The following FAM43A variants were observed in gnomAD, a reference collection of about 807,000 sequenced individuals.
FAM43A encodes family with sequence similarity 43 member A.
FAM43A carries 11 observed loss-of-function variants against 15.7 expected under a neutral mutation model. That is an observed-to-expected ratio of 0.70 (90% CI 0.44 to 1.16). The LOEUF is 1.16. FAM43A is among the 50% of genes most tolerant of loss of function. The pLI, the probability that FAM43A is intolerant of heterozygous loss-of-function variation, is 0.00. For synonymous variants in FAM43A, 319 were observed against 291.7 expected, an observed-to-expected ratio of 1.09 and a Z score of -0.96; for missense variants, 573 against 620.0, an observed-to-expected ratio of 0.92 and a Z score of 0.80.
rs1478731551 is a variant in FAM43A at position 194,686,905 on chromosome 3, G to A, written c.79G>A (p.Ala27Thr). Residue 27 changes from alanine to threonine, a missense_variant, in exon 1 of 1, where the codon GCT (alanine) becomes ACT (threonine). Coordinates refer to ENST00000329759, the MANE Select transcript of FAM43A (RefSeq NM_153690.5). ...GCAGGCGTCCAAGCCCAAGGGCTAC[G>A]CTGTGAGCCTGCACTACTCGGCGCT... ...PRQASKPKGY[A>T]VSLHYSALSS... The A allele has an allele frequency of 6.2e-7, 1 of 1,610,012 alleles. No individual in the cohort carries two copies. Among genetic ancestry groups the A allele is most frequent in the Admixed American group, 1.7e-5 (1 of 59,806 alleles).
At position 194,687,140 on chromosome 3, in the gene FAM43A, A is replaced by G. The variant is rs765127611; in HGVS notation, c.314A>G (p.Gln105Arg). 2.4e-5 allele frequency: 39 copies of G among 1,612,786 alleles called. No homozygotes were observed. Among genetic ancestry groups the G allele is most frequent in the Admixed American group, 3.3e-5 (2 of 60,004 alleles). The change falls in exon 1 of 1, where the codon CAG (glutamine) becomes CGG (arginine). Residue 105 changes from glutamine to arginine, a missense_variant. By Grantham distance (43) the Gln-to-Arg change is conservative. Coordinates refer to ENST00000329759, the MANE Select transcript of FAM43A (RefSeq NM_153690.5). ...TGGAGCAAGAGCGAGGCGGGCCGTC[A>G]GGGCACCAAGATGAAGCTGACGGTG... is the stretch of plus-strand genomic sequence containing the variant. ...KIWSKSEAGRQGTKMKLTVSA... is the reference protein window; with the variant it reads ...KIWSKSEAGRRGTKMKLTVSA...
chr3:194,687,440 G>A lies in FAM43A; in HGVS notation c.614G>A (p.Arg205Gln), dbSNP rs762853921. The A allele has an allele frequency of 6.5e-6, 10 of 1,534,962 alleles. No homozygotes were observed. In the African/African-American group the frequency reaches 6.9e-5, roughly 11 times the overall value. The change falls in exon 1 of 1, where the codon CGG becomes CAG. Residue 205 changes from arginine (R) to glutamine (Q), a missense_variant. Physicochemically the swap from Arg to Gln is conservative, Grantham distance 43. Transcript: ENST00000329759. Reference protein sequence around the residue: ...ALAEFKRLKRRDDARHQQQEL... With the variant: ...ALAEFKRLKRQDDARHQQQEL... Reference sequence around the variant, plus strand: ...GCGGAATTTAAACGCCTCAAGCGGCGGGACGACGCGCGTCACCAGCAGCAG... The same window carrying A: ...GCGGAATTTAAACGCCTCAAGCGGCAGGACGACGCGCGTCACCAGCAGCAG...
rs756995433 is a variant in FAM43A at position 194,686,944 on chromosome 3, C to G, written c.118C>G (p.Arg40Gly). 65 of 1,610,142 alleles carry G rather than the reference C, an allele frequency of 4.0e-5. No individual in the cohort carries two copies. The South Asian group carries it at 6.4e-4, about 16-fold the overall frequency. Reference sequence around the variant, plus strand: ...CTACTCGGCGCTCAGCTCGCTGGCGCGGGCGTGCCCCGAAGGCGCGCTTAG... The same window carrying G: ...CTACTCGGCGCTCAGCTCGCTGGCGGGGGCGTGCCCCGAAGGCGCGCTTAG... ...LHYSALSSLA[R>G]ACPEGALSRV... is the part of the protein sequence containing the mutation. The change falls in exon 1 of 1, where the codon CGG becomes GGG. Residue 40 changes from arginine to glycine, a missense_variant. By Grantham distance (125) the Arg-to-Gly change is moderately radical. Transcript: ENST00000329759.
In FAM43A at chr3:194,687,003, G is replaced by A; in HGVS notation, c.177G>A (p.Lys59=). 1 of 1,609,338 alleles carries A rather than the reference G, an allele frequency of 6.2e-7. No homozygotes were observed. The change falls in exon 1 of 1, where the codon AAG becomes AAA. Residue 59 remains lysine (K), a synonymous_variant. Coordinates refer to ENST00000329759, the MANE Select transcript of FAM43A (RefSeq NM_153690.5). The part of the protein sequence containing the change: ...RVGSMFRSKR[K]KLHITSEDPT... ...GCAGCATGTTCCGCTCCAAGCGCAAGAAGCTGCACATCACTAGCGAGGACC... is the reference window on the plus strand; with the variant it reads ...GCAGCATGTTCCGCTCCAAGCGCAAAAAGCTGCACATCACTAGCGAGGACC...
Position 194,687,403 on chromosome 3 carries a change from G to T in FAM43A, c.577G>T (p.Ala193Ser). ...AMALLLYQTS[A>S]NALAEFKRLK... ...GGCCCTGCTGCTCTACCAGACGTCG[G>T]CCAACGCGCTGGCGGAATTTAAACG... Residue 193 changes from alanine to serine, a missense_variant, in exon 1 of 1, where the codon GCC becomes TCC. By Grantham distance (99) the Ala-to-Ser change is moderately conservative. Coordinates refer to ENST00000329759, the MANE Select transcript of FAM43A (RefSeq NM_153690.5). The T allele has an allele frequency of 6.5e-7, 1 of 1,533,942 alleles. No homozygotes were observed.
At position 194,687,933 on chromosome 3, in the gene FAM43A, G is replaced by T; in HGVS notation, c.1107G>T (p.Val369=). The change falls in exon 1 of 1, where the codon GTG becomes GTT. Residue 369 remains valine, a synonymous_variant. Coordinates refer to ENST00000329759, the MANE Select transcript of FAM43A (RefSeq NM_153690.5). ...DLGELSFGND[V]RTLQADLRVT... ...GCGAGCTCAGCTTCGGCAACGACGT[G>T]CGCACCCTGCAGGCCGACTTGCGGG... 2 of 1,460,872 alleles carry T rather than the reference G, an allele frequency of 1.4e-6. No homozygotes were observed. The highest frequency in any genetic ancestry group is 3.0e-5 in the South Asian group (2 of 66,404). 90.5% of individuals were successfully genotyped at this position (1,460,872 alleles called of 1,614,324 possible). A position where few individuals can be genotyped will look rare whatever the true frequency, so the allele number is the denominator to read the frequency against.
chr3:194,687,286 G>T lies in FAM43A; in HGVS notation c.460G>T (p.Ala154Ser). 2 of 1,579,202 alleles carry T rather than the reference G, an allele frequency of 1.3e-6. No homozygotes were observed. ...CGACGCGCGGCTGCCCAAGGTCTTC[G>T]CCTGGGTGTACCGGCACGAGCTGAA... ...VADARLPKVF[A>S]WVYRHELKHK... Residue 154 changes from alanine (A) to serine (S), a missense_variant, in exon 1 of 1, where the codon GCC (alanine) becomes TCC (serine). Physicochemically the swap from Ala to Ser is moderately conservative, Grantham distance 99 (BLOSUM62 1). Coordinates refer to ENST00000329759, the MANE Select transcript of FAM43A (RefSeq NM_153690.5).
chr3:194,688,024 G>C lies in FAM43A; in HGVS notation c.1198G>C (p.Ala400Pro), dbSNP rs1252047355. The C allele has an allele frequency of 3.5e-6, 5 of 1,419,460 alleles. No individual in the cohort carries two copies. The highest frequency in any genetic ancestry group is 4.6e-6 in the Non-Finnish European group (5 of 1,087,730). The allele number at this position is 1,419,460 out of a possible 1,614,324, so 87.9% of individuals were successfully genotyped here. ...ESSIEGGGPD[A>P]TSATAGDSSR... ...CTCCATCGAGGGCGGGGGCCCTGAC[G>C]CCACCTCCGCCACCGCCGGGGACTC... The change falls in exon 1 of 1, where the codon GCC (alanine) becomes CCC (proline). Residue 400 changes from alanine (A) to proline (P), a missense_variant. Physicochemically the swap from Ala to Pro is conservative, Grantham distance 27 (BLOSUM62 -1). Coordinates refer to ENST00000329759, the MANE Select transcript of FAM43A (RefSeq NM_153690.5).
At position 194,688,209 on chromosome 3, in the gene FAM43A, A is replaced by G; in HGVS notation, c.*111A>G. 8.5e-7 allele frequency: 1 copy of G among 1,175,110 alleles called. No individual in the cohort carries two copies. Among genetic ancestry groups the G allele is most frequent in the Non-Finnish European group, 1.1e-6 (1 of 921,648 alleles). 72.8% of individuals were successfully genotyped at this position (1,175,110 alleles called of 1,614,324 possible). A position where few individuals can be genotyped will look rare whatever the true frequency, so the allele number is the denominator to read the frequency against. On this transcript the variant is annotated 3_prime_UTR_variant, in exon 1 of 1. Transcript: ENST00000329759. ...GGGGGAAATGGGGCATTTGGGGCCC[A>G]GACCTACACTTGGAGCCCAGGTCCA...
Position 194,687,321 on chromosome 3 carries a change from C to T in FAM43A, c.495C>T (p.Ala165=), listed in dbSNP as rs898613204. Residue 165 remains alanine (A), a synonymous_variant, in exon 1 of 1, where the codon GCC becomes GCT. Transcript: ENST00000329759. ...ACCGGCACGAGCTGAAGCACAAGGC[C>T]GTGATGCTGCGCTGCCACGCCGTGC... ...WVYRHELKHK[A]VMLRCHAVLV... The T allele has an allele frequency of 2.6e-6, 4 of 1,550,304 alleles. No homozygotes were observed. The African/African-American group carries it at 5.4e-5, about 21-fold the overall frequency.
Position 194,688,283 on chromosome 3 carries a change from C to T in FAM43A, c.*185C>T. The T allele has an allele frequency of 1.5e-6, 1 of 670,830 alleles. No individual in the cohort carries two copies. The highest frequency in any genetic ancestry group is 2.2e-6 in the Non-Finnish European group (1 of 462,760). 41.6% of individuals were successfully genotyped at this position (670,830 alleles called of 1,614,324 possible). Reference sequence around the variant, plus strand: ...TACCTCCCGGCCCCCGCTCCCGCCCCAGCACTTTTGGCTCTGTTGCGCGTG... The same window carrying T: ...TACCTCCCGGCCCCCGCTCCCGCCCTAGCACTTTTGGCTCTGTTGCGCGTG... On this transcript the variant is annotated 3_prime_UTR_variant, in exon 1 of 1. Transcript: ENST00000329759.
In FAM43A at chr3:194,688,950, A is replaced by C. The variant is rs1399483282; in HGVS notation, c.*852A>C. 3 of 165,640 alleles carry C rather than the reference A, an allele frequency of 1.8e-5. No individual in the cohort carries two copies. In the East Asian group the frequency reaches 5.8e-4, roughly 32 times the overall value. The allele number at this position is 165,640 out of a possible 1,614,324, so 10.3% of individuals were successfully genotyped here. On this transcript the variant is annotated 3_prime_UTR_variant, in exon 1 of 1. Coordinates refer to ENST00000329759, the MANE Select transcript of FAM43A (RefSeq NM_153690.5). ...AGTTGTATATACAGAAATGTGTATA[A>C]AACATTTTGTTATTTTTTAAAAGTA...
Position 194,686,709 on chromosome 3 carries a change from T to G in FAM43A, c.-118T>G. The stretch of plus-strand genomic sequence containing the variant: ...CTCCCTACCACAGGGCCGCTCCCAG[T>G]AGTTTTATTCTTCGATCTTGCCCGG... On this transcript the variant is annotated 5_prime_UTR_variant, in exon 1 of 1. Transcript: ENST00000329759. 1.9e-6 allele frequency: 2 copies of G among 1,052,272 alleles called. No homozygotes were observed. The highest frequency in any genetic ancestry group is 2.5e-6 in the Non-Finnish European group (2 of 808,874). The allele number at this position is 1,052,272 out of a possible 1,614,324, so 65.2% of individuals were successfully genotyped here. A position where few individuals can be genotyped will look rare whatever the true frequency, so the allele number is the denominator to read the frequency against.
Position 194,686,963 on chromosome 3 carries a change from C to G in FAM43A, c.137C>G (p.Ala46Gly), listed in dbSNP as rs536961614. Residue 46 changes from alanine (A) to glycine (G), a missense_variant, in exon 1 of 1, where the codon GCG (alanine) becomes GGG (glycine). By Grantham distance (60) the Ala-to-Gly change is moderately conservative. Coordinates refer to ENST00000329759, the MANE Select transcript of FAM43A (RefSeq NM_153690.5). ...CTGGCGCGGGCGTGCCCCGAAGGCGCGCTTAGCCGGGTGGGCAGCATGTTC... is the reference window on the plus strand; with the variant it reads ...CTGGCGCGGGCGTGCCCCGAAGGCGGGCTTAGCCGGGTGGGCAGCATGTTC... Reference protein sequence around the residue: ...SSLARACPEGALSRVGSMFRS... With the variant: ...SSLARACPEGGLSRVGSMFRS... The G allele has an allele frequency of 6.2e-7, 1 of 1,610,762 alleles. No individual in the cohort carries two copies. The highest frequency in any genetic ancestry group is 1.3e-5 in the African/African-American group (1 of 75,018).
Position 194,687,803 on chromosome 3 carries a change from G to A in FAM43A, c.977G>A (p.Gly326Glu), listed in dbSNP as rs1264830650. The change falls in exon 1 of 1, where the codon GGA (glycine) becomes GAA (glutamate). Residue 326 changes from glycine to glutamate, a missense_variant. By Grantham distance (98) the Gly-to-Glu change is moderately conservative. Transcript: ENST00000329759. ...GAGAATGGCCGTGGGGAGGCGCTAG[G>A]AGGCGGCGGGGGCTCCCTGGGCCCG... The part of the protein sequence containing the change: ...TLENGRGEAL[G>E]GGGGSLGPGA... The A allele has an allele frequency of 6.9e-7, 1 of 1,456,856 alleles. No homozygotes were observed. The highest frequency in any genetic ancestry group is 9.1e-7 in the Non-Finnish European group (1 of 1,101,280). The allele number at this position is 1,456,856 out of a possible 1,614,324, so 90.2% of individuals were successfully genotyped here.
At position 194,687,747 on chromosome 3, in the gene FAM43A, C is replaced by T; in HGVS notation, c.921C>T (p.His307=). The T allele has an allele frequency of 1.9e-6, 3 of 1,548,572 alleles. No individual in the cohort carries two copies. Among genetic ancestry groups the T allele is most frequent in the Non-Finnish European group, 2.6e-6 (3 of 1,144,664 alleles). ...EAQRALVVAM[H]FECGDLLDTL... ...AGCGTGCGCTAGTGGTCGCCATGCA[C>T]TTTGAGTGCGGGGACTTGTTGGATA... is the stretch of plus-strand genomic sequence containing the variant. The change falls in exon 1 of 1, where the codon CAC becomes CAT. Residue 307 remains histidine, a synonymous_variant. Coordinates refer to ENST00000329759, the MANE Select transcript of FAM43A (RefSeq NM_153690.5).
In FAM43A at chr3:194,687,162, G is replaced by C; in HGVS notation, c.336G>C (p.Thr112=). Residue 112 remains threonine (T), a synonymous_variant, in exon 1 of 1, where the codon ACG becomes ACC. Transcript: ENST00000329759. ...GTCAGGGCACCAAGATGAAGCTGACGGTGAGTGCGCAGGGTATCCGCATGG... is the reference window on the plus strand; with the variant it reads ...GTCAGGGCACCAAGATGAAGCTGACCGTGAGTGCGCAGGGTATCCGCATGG... The part of the protein sequence containing the change: ...AGRQGTKMKL[T]VSAQGIRMVH... The C allele has an allele frequency of 1.9e-6, 3 of 1,612,048 alleles. No homozygotes were observed. Among genetic ancestry groups the C allele is most frequent in the South Asian group, 1.1e-5 (1 of 91,076 alleles).
At position 194,687,593 on chromosome 3, in the gene FAM43A, A is replaced by T. The variant is rs1221441202; in HGVS notation, c.767A>T (p.Asp256Val). 1 of 1,581,332 alleles carries T rather than the reference A, an allele frequency of 6.3e-7. No individual in the cohort carries two copies. The highest frequency in any genetic ancestry group is 8.6e-7 in the Non-Finnish European group (1 of 1,163,446). ...CCCAAGCTTGGCTCCATCACCGAGG[A>T]CCTGCTCGGCGAACAGCTGGAGCAG... The part of the protein sequence containing the change: ...SAPKLGSITE[D>V]LLGEQLEQEL... The change falls in exon 1 of 1, where the codon GAC (aspartate) becomes GTC (valine). Residue 256 changes from aspartate (D) to valine (V), a missense_variant. By Grantham distance (152) the Asp-to-Val change is radical. Transcript: ENST00000329759.
In FAM43A at chr3:194,686,653, C is replaced by T. The variant is rs907667398; in HGVS notation, c.-174C>T. ...TTTACCCGCACCTCCTGCGGGGTTCCTAAGCACTCTCTCTGCTCCCCTCCC... is the reference window on the plus strand; with the variant it reads ...TTTACCCGCACCTCCTGCGGGGTTCTTAAGCACTCTCTCTGCTCCCCTCCC... On this transcript the variant is annotated 5_prime_UTR_variant, in exon 1 of 1. Transcript: ENST00000329759. 2 of 517,082 alleles carry T rather than the reference C, an allele frequency of 3.9e-6. No homozygotes were observed. The highest frequency in any genetic ancestry group is 4.5e-5 in the Admixed American group (1 of 22,076). 32.0% of individuals were successfully genotyped at this position (517,082 alleles called of 1,614,324 possible).
Sources: gnomAD v4.1 joint callset for allele counts on GRCh38, gnomAD v4.1.1 for gene constraint, MANE v1.5 for transcripts, NCBI Gene and HGNC (gene_info 2026-07-23, HGNC 2026-07-21) for gene names.